SRSF3: variants seen among roughly 807,000 people sequenced by gnomAD.
SRSF3 encodes serine and arginine rich splicing factor 3.
For synonymous variants in SRSF3, 87 were observed against 73.6 expected, an observed-to-expected ratio of 1.18 and a Z score of -0.93; for missense variants, 58 against 217.1, an observed-to-expected ratio of 0.27 and a Z score of 4.61.
chr6:36,597,210 A>G (rs1376056828), intron 2 of SRSF3: 1 of 528,354 alleles, frequency 1.9e-6, no homozygotes, highest in African/African-American at 2.0e-5. Flanking sequence ...GGTTCAAGTG[A>G]TTCTCCTGCC....
chr6:36,598,020 C>G (rs1219022396), intron 2 of SRSF3, among the ~76,000 whole-genome samples: 1 of 152,036 alleles, frequency 6.6e-6, no homozygotes, highest in Non-Finnish European at 1.5e-5. Context: ...TCTGTGCTGA[C>G]TGTTGAGGGG....
chr6:36,603,256 T>A lies in SRSF3; in HGVS notation c.*1267T>A, dbSNP rs140441008. 59 of 224,752 alleles carry A rather than the reference T, an allele frequency of 2.6e-4. No individual in the cohort carries two copies. The highest frequency in any genetic ancestry group is 2.8e-4 in the Non-Finnish European group (32 of 112,486). 13.9% of individuals were successfully genotyped at this position (224,752 alleles called of 1,614,324 possible). ...TAAAAATTGCTTCCATTTTATAATT[T>A]GAGGTGTTGCATGGGAATTCTAAGC... On this transcript the variant is annotated 3_prime_UTR_variant, in exon 6 of 6. Transcript: ENST00000373715.
chr6:36,596,499 C>A (rs1778629446), intron 1 of SRSF3, among the ~76,000 whole-genome samples: 1 of 145,418 alleles, frequency 6.9e-6, no homozygotes, highest in African/African-American at 2.6e-5. Context: ...TCTCAACGTT[C>A]CAAGGAAGCT....
chr6:36,595,208 T>C (rs1315652011), intron 1 of SRSF3, among the ~76,000 whole-genome samples: 2 of 152,220 alleles, frequency 1.3e-5, no homozygotes, highest in African/African-American at 4.8e-5. Context: ...ATGGTTTTTA[T>C]GTAATTGAAA....
chr6:36,600,987 C>G, intron 3 of SRSF3, 165 bp from the exon 4 acceptor site: 1 of 388,856 alleles, frequency 2.6e-6, no homozygotes, highest in East Asian at 4.8e-5. Context: ...CCTTTTTTTT[C>G]TTTTCTTTTT....
chr6:36,601,257 C>A, intron 4 of SRSF3, 67 bp downstream of exon 4: 1 of 1,542,906 alleles, frequency 6.5e-7, no homozygotes, highest in Non-Finnish European at 8.9e-7. Flanking sequence ...CTAAACTTTT[C>A]CAGGTGGCTT....
intron 4 of SRSF3, 40 bp downstream of exon 4, chr6:36,601,230 C>T (rs776255859): frequency 3.7e-6 from 6 of 1,609,084 alleles, no homozygotes; most frequent in Non-Finnish European, 5.1e-6. Flanking sequence ...TTAGAAATGG[C>T]AGTGTTTCTG....
chr6:36,598,634 G>C (rs573702754), intron 2 of SRSF3: 3 of 486,030 alleles, frequency 6.2e-6, no homozygotes, highest in East Asian at 7.1e-5. Context: ...CGCCTGCCTC[G>C]GCCTCATAAA....
In SRSF3 at chr6:36,603,789, AAT is replaced by A. The variant is rs1234957047; in HGVS notation, c.*1803_*1804del. 1 of 231,592 alleles carries A rather than the reference AAT, an allele frequency of 4.3e-6. No individual in the cohort carries two copies. The highest frequency in any genetic ancestry group is 6.1e-5 in the East Asian group (1 of 16,346). The allele number at this position is 231,592 out of a possible 1,614,324, so 14.3% of individuals were successfully genotyped here. A position where few individuals can be genotyped will look rare whatever the true frequency, so the allele number is the denominator to read the frequency against. On this transcript the variant is annotated 3_prime_UTR_variant, in exon 6 of 6. Coordinates refer to ENST00000373715, the MANE Select transcript of SRSF3 (RefSeq NM_003017.5). Reference sequence around the variant, plus strand: ...AGCTAAGAAGTTACGGAAGCCATGCAATATGTCAATTACATTGCTTTTTATAA... The same window carrying A: ...AGCTAAGAAGTTACGGAAGCCATGCAATGTCAATTACATTGCTTTTTATAA...
At position 36,602,855 on chromosome 6, in the gene SRSF3, A is replaced by G; in HGVS notation, c.*866A>G. On this transcript the variant is annotated 3_prime_UTR_variant, in exon 6 of 6. Coordinates refer to ENST00000373715, the MANE Select transcript of SRSF3 (RefSeq NM_003017.5). ...TACCAAGTCCAGGTATAACATTCCT[A>G]TTGGAAGCCATACTTATATTTTCTT... 1 of 208,268 alleles carries G rather than the reference A, an allele frequency of 4.8e-6. No individual in the cohort carries two copies. The highest frequency in any genetic ancestry group is 7.4e-5 in the East Asian group (1 of 13,578). The allele number at this position is 208,268 out of a possible 1,614,324, so 12.9% of individuals were successfully genotyped here.
chr6:36,601,124 A>G, intron 3 of SRSF3, 28 bp from the exon 4 acceptor site: 1 of 1,598,694 alleles, frequency 6.3e-7, no homozygotes, highest in Non-Finnish European at 8.5e-7. Flanking sequence ...ATTGATGATG[A>G]GCCTAATTTT....
intron 1 of SRSF3, among the ~76,000 whole-genome samples, chr6:36,595,367 A>G (rs547938404): frequency 6.6e-6 from 1 of 152,214 alleles, no homozygotes; most frequent in South Asian, 2.1e-4. Flanking sequence ...ATTTTTTATT[A>G]AAGTGAAATT....
intron 5 of SRSF3, 22 bp from the exon 6 acceptor site, chr6:36,601,940 C>CGT: frequency 7.0e-7 from 1 of 1,432,076 alleles, no homozygotes; most frequent in Non-Finnish European, 9.1e-7. Flanking sequence ...GTTTTGTTTT[C>CGT]TTTTTTTTTT....
chr6:36,599,888 G>A (rs3208961), intron 3 of SRSF3: 12 of 1,351,724 alleles, frequency 8.9e-6, no homozygotes, highest in African/African-American at 1.5e-5. Context: ...CCCTTTCAGC[G>A]TCATGTGACC....
intron 3 of SRSF3, chr6:36,600,817 T>G (rs1321482704): frequency 4.9e-6 from 1 of 203,996 alleles, no homozygotes; most frequent in Non-Finnish European, 9.8e-6. Context: ...TTGGAACTAC[T>G]TGTGGGACTA....
chr6:36,600,576 A>C (rs914796036), intron 3 of SRSF3: 1 of 153,096 alleles, frequency 6.5e-6, no homozygotes, highest in Admixed American at 6.5e-5. Context: ...TAACAGTTTC[A>C]AAATTTAAAA....
chr6:36,594,391 G>C lies in SRSF3; in HGVS notation c.-93G>C, dbSNP rs1400446129. On this transcript the variant is annotated 5_prime_UTR_variant, in exon 1 of 6. Transcript: ENST00000373715. ...CATTTCGTGGACGCCGGGTGAGTGA[G>C]AGAGTTGGTTGGTGTTGGGCCGGAG... is the stretch of plus-strand genomic sequence containing the variant. 3 of 152,612 alleles carry C rather than the reference G, an allele frequency of 2.0e-5. No individual in the cohort carries two copies. Among genetic ancestry groups the C allele is most frequent in the African/African-American group, 7.2e-5 (3 of 41,472 alleles). The allele number at this position is 152,612 out of a possible 1,614,324, so 9.5% of individuals were successfully genotyped here.
At chr6:36,597,099 T>C in intron 2 of SRSF3, 131 bp downstream of exon 2, 1 of 204,730 alleles carries the variant, frequency 4.9e-6, no homozygotes, top group Non-Finnish European at 8.8e-6. Flanking sequence ...ATTGGGATCT[T>C]TTTTTTTTTT....
intron 1 of SRSF3, among the ~76,000 whole-genome samples, chr6:36,595,802 A>C (rs1205882651): frequency 6.6e-6 from 1 of 152,236 alleles, no homozygotes; most frequent in African/African-American, 2.4e-5. Context: ...AAAAAACTGT[A>C]AAGTTGGTCT....
Sources: allele counts gnomAD v4.1 joint callset (sites outside exome capture counted in the v4.1 genomes callset), GRCh38; gene constraint gnomAD v4.1.1; transcripts MANE v1.5; gene names NCBI Gene and HGNC (gene_info 2026-07-23, HGNC 2026-07-21).